GRID1: variants seen among roughly 807,000 people sequenced by gnomAD.
GRID1 encodes the protein glutamate ionotropic receptor delta type subunit 1, also known as glutamate receptor ionotropic, delta-1.
GRID1 carries 28 observed loss-of-function variants against 98.0 expected under a neutral mutation model. The ratio of observed to expected loss-of-function variants is 0.29; its 90% CI spans 0.21 to 0.39. GRID1 has a LOEUF of 0.39. GRID1 is among the 10% of genes least tolerant of loss of function. GRID1 has a pLI of 1.00. For synonymous variants in GRID1, 553 were observed against 538.5 expected, an observed-to-expected ratio of 1.03 and a Z score of -0.37; for missense variants, 1,111 against 1,340.5, an observed-to-expected ratio of 0.83 and a Z score of 2.67.
intron 2 of GRID1, among the ~76,000 whole-genome samples, chr10:86,240,515 G>A (rs186150846): frequency 1.2e-3 from 189 of 151,480 alleles, no homozygotes; most frequent in Admixed American, 3.8e-3. Context: ...TGAAGCAGGT[G>A]CTGAAAAAGA....
At chr10:85,860,605 A>G (rs538155165) in intron 6 of GRID1, among the ~76,000 whole-genome samples, 3 of 152,286 alleles carry the variant, frequency 2.0e-5, no homozygotes, top group African/African-American at 7.2e-5. Flanking sequence ...TTCTCTCACT[A>G]ATTACCATAC....
At chr10:86,230,185 C>A (rs1846428505) in intron 2 of GRID1, among the ~76,000 whole-genome samples, 1 of 152,236 alleles carries the variant, frequency 6.6e-6, no homozygotes, top group African/African-American at 2.4e-5. Context: ...TGGCTTCAGG[C>A]CCTGCCTGAC....
chr10:86,063,356 C>A (rs541115171), intron 4 of GRID1, among the ~76,000 whole-genome samples: 121 of 152,308 alleles, frequency 7.9e-4, no homozygotes, highest in Non-Finnish European at 1.4e-3. Context: ...GTGAACTGGA[C>A]AATGGAGAAC....
chr10:86,040,725 A>G (rs1354820405), intron 4 of GRID1, among the ~76,000 whole-genome samples: 1 of 152,188 alleles, frequency 6.6e-6, no homozygotes, highest in East Asian at 1.9e-4. Context: ...TATATTTCAA[A>G]TAATTAAAAG....
At chr10:86,137,032 T>C (rs1220861869) in intron 4 of GRID1, among the ~76,000 whole-genome samples, 1 of 151,714 alleles carries the variant, frequency 6.6e-6, no homozygotes, top group Non-Finnish European at 1.5e-5. Flanking sequence ...CCCATTCCCA[T>C]CACACCCAGC....
intron 2 of GRID1, among the ~76,000 whole-genome samples, chr10:86,344,294 T>C (rs1848352086): frequency 6.6e-6 from 1 of 152,208 alleles, no homozygotes; most frequent in African/African-American, 2.4e-5. Context: ...AGTATCCCCA[T>C]CCTACAGATG....
At chr10:86,287,018 C>A (rs1174520047) in intron 2 of GRID1, among the ~76,000 whole-genome samples, 3 of 152,138 alleles carry the variant, frequency 2.0e-5, no homozygotes, top group Non-Finnish European at 2.9e-5. Context: ...GAGGCAGACA[C>A]GTGACTCCAG....
intron 4 of GRID1, among the ~76,000 whole-genome samples, chr10:86,118,460 C>G (rs1844617793): frequency 6.6e-6 from 1 of 152,016 alleles, no homozygotes; most frequent in South Asian, 2.1e-4. Flanking sequence ...CAAACACCAC[C>G]TGTTCCCCCA....
chr10:85,872,452 A>G (rs1380403741), intron 5 of GRID1, among the ~76,000 whole-genome samples: 2 of 152,128 alleles, frequency 1.3e-5, no homozygotes, highest in East Asian at 1.9e-4. Context: ...TGCTTCCTCA[A>G]CTTTCTGGAG....
Position 85,599,980 on chromosome 10 carries a change from C to T in GRID1, c.*2293G>A, listed in dbSNP as rs1364585849. Reference sequence around the variant, plus strand: ...GCGCACAAACACATCCTCCATCTCCCTCTCTTTCCTCCTTGACACTCATTC... The same window carrying T: ...GCGCACAAACACATCCTCCATCTCCTTCTCTTTCCTCCTTGACACTCATTC... On this transcript the variant is annotated 3_prime_UTR_variant, in exon 16 of 16. Coordinates refer to ENST00000327946, the MANE Select transcript of GRID1 (RefSeq NM_017551.3). 1 of 150,800 alleles carries T rather than the reference C, an allele frequency of 6.6e-6. No individual in the cohort carries two copies. The highest frequency in any genetic ancestry group is 1.5e-5 in the Non-Finnish European group (1 of 67,896). The allele number at this position is 150,800 out of a possible 1,614,324, so 9.3% of individuals were successfully genotyped here. A position where few individuals can be genotyped will look rare whatever the true frequency, so the allele number is the denominator to read the frequency against.
intron 6 of GRID1, among the ~76,000 whole-genome samples, chr10:85,862,778 A>G (rs1843176075): frequency 6.6e-6 from 1 of 152,228 alleles, no homozygotes; most frequent in Non-Finnish European, 1.5e-5. Flanking sequence ...CAGTGACTAT[A>G]TTTTATTTAG....
chr10:86,314,537 G>C (rs1847873694), intron 2 of GRID1, among the ~76,000 whole-genome samples: 1 of 152,228 alleles, frequency 6.6e-6, no homozygotes, highest in South Asian at 2.1e-4. Flanking sequence ...AGATGGGCAA[G>C]GAAGCTTCAG....
chr10:86,144,092 C>A (rs11201904), intron 3 of GRID1, among the ~76,000 whole-genome samples: 31,471 of 152,142 alleles, frequency 0.21, 3,781 homozygotes, highest in African/African-American at 0.32. Context: ...ACTGAATGAA[C>A]CCCTGGGGTT....
At chr10:85,763,514 T>C (rs1842168825) in intron 8 of GRID1, among the ~76,000 whole-genome samples, 1 of 152,238 alleles carries the variant, frequency 6.6e-6, no homozygotes, top group South Asian at 2.1e-4. Context: ...CCTATGTTGA[T>C]TTCTCATAAC....
chr10:86,364,634 T>G (rs1848649587), intron 1 of GRID1, among the ~76,000 whole-genome samples: 1 of 152,230 alleles, frequency 6.6e-6, no homozygotes, highest in Non-Finnish European at 1.5e-5. Flanking sequence ...GGGTCTTCCT[T>G]AGGCAGGGGC....
intron 2 of GRID1, among the ~76,000 whole-genome samples, chr10:86,286,793 C>A (rs566097618): frequency 6.6e-6 from 1 of 152,214 alleles, no homozygotes; most frequent in Admixed American, 6.5e-5. Context: ...CCGCTCTGGG[C>A]GCCGGCAGGG....
rs762228383 is a variant in GRID1, at chr10:85,856,085, G to A, written c.1057C>T (p.Arg353Trp). The A allele has an allele frequency of 1.6e-5, 26 of 1,614,130 alleles. No individual in the cohort carries two copies. The highest frequency in any genetic ancestry group is 2.0e-5 in the Non-Finnish European group (24 of 1,179,986). The change falls in exon 7 of 16, where the codon CGG becomes TGG. Residue 353 changes from arginine to tryptophan, a missense_variant. By Grantham distance (101) the Arg-to-Trp change is moderately radical. Coordinates refer to ENST00000327946, the MANE Select transcript of GRID1 (RefSeq NM_017551.3). ...CCATTCCATGGCTTAGTGGATTTCC[G>A]TATGCAGTTGAGGCTCGCCATGCTA... ...WHSMASLNCI[R>W]KSTKPWNGGR...
chr10:85,735,197 A>G lies in GRID1; in HGVS notation c.1234-5583T>C, dbSNP rs77391863. Among the ~76,000 whole-genome samples the G allele has an allele frequency of 7.7e-4, 118 of 152,272 alleles. 1 individual carries two copies. In the East Asian group the frequency reaches 0.022, roughly 28 times the overall value. Reference sequence around the variant, plus strand: ...GATCGATGAATTTATGGCCGCACACACCCACTTTTGACAGCTGACCTGTCA... The same window carrying G: ...GATCGATGAATTTATGGCCGCACACGCCCACTTTTGACAGCTGACCTGTCA... On this transcript the variant is annotated intron_variant, in intron 8 of 15. Coordinates refer to ENST00000327946, the MANE Select transcript of GRID1 (RefSeq NM_017551.3).
intron 2 of GRID1, among the ~76,000 whole-genome samples, chr10:86,217,897 C>T (rs1846198751): frequency 1.3e-5 from 2 of 152,102 alleles, no homozygotes; most frequent in African/African-American, 2.4e-5. Flanking sequence ...ACAGAGCCTG[C>T]CTCAGCCCTC....
Sources: gnomAD v4.1 joint callset for allele counts (sites outside exome capture counted in the v4.1 genomes callset) on GRCh38, gnomAD v4.1.1 for gene constraint, MANE v1.5 for transcripts, NCBI Gene and HGNC (gene_info 2026-07-23, HGNC 2026-07-21) for gene names.